NDST3: variants seen among roughly 807,000 people sequenced by gnomAD.
NDST3 encodes the protein bifunctional heparan sulfate N-deacetylase/N-sulfotransferase 3.
In NDST3, 58 loss-of-function variants were observed where a neutral mutation model predicts 96.1. That is an observed-to-expected ratio of 0.60 (90% CI 0.49 to 0.75). The LOEUF is 0.75. NDST3 is among the 30% of genes least tolerant of loss of function. The pLI, the probability that NDST3 is intolerant of heterozygous loss-of-function variation, is 0.00. For synonymous variants in NDST3, 333 were observed against 359.7 expected (o/e 0.93, Z 0.84); for missense variants, 788 against 1,034.2 (o/e 0.76, Z 3.27).
intron 4 of NDST3, among the ~76,000 whole-genome samples, chr4:118,137,800 A>G (rs934360357): frequency 6.6e-6 from 1 of 152,162 alleles, no homozygotes; most frequent in Non-Finnish European, 1.5e-5. Flanking sequence ...GGCTCTTTCA[A>G]ATTATTCATT....
chr4:118,139,648 A>T (rs944975679), intron 5 of NDST3, among the ~76,000 whole-genome samples: 1 of 152,182 alleles, frequency 6.6e-6, no homozygotes, highest in African/African-American at 2.4e-5. Context: ...TTGCTGTATG[A>T]GAGCAACTTT....
intron 2 of NDST3, among the ~76,000 whole-genome samples, chr4:118,088,233 G>A (rs553950817): frequency 4.6e-5 from 7 of 152,026 alleles, no homozygotes; most frequent in South Asian, 4.2e-4. Context: ...AAAGGATACC[G>A]TCTTAAAATA....
intron 6 of NDST3, chr4:118,193,696 G>T: frequency 7.6e-7 from 1 of 1,309,564 alleles, no homozygotes; most frequent in Non-Finnish European, 1.1e-6. Context: ...CAGCCAGGTG[G>T]GCCTCTCCCC....
chr4:118,133,013 G>A (rs552127178), intron 4 of NDST3, among the ~76,000 whole-genome samples: 1 of 152,154 alleles, frequency 6.6e-6, no homozygotes, highest in African/African-American at 2.4e-5. Flanking sequence ...GCTGTGAGTT[G>A]CACTTCCTGG....
chr4:118,109,185 G>GT (rs1425265317), intron 3 of NDST3, among the ~76,000 whole-genome samples: 3 of 152,300 alleles, frequency 2.0e-5, no homozygotes, highest in Admixed American at 6.5e-5. Flanking sequence ...AAACTTCTGA[G>GT]TTAGGATATC....
chr4:118,216,334 T>C (rs1383246106), intron 6 of NDST3, among the ~76,000 whole-genome samples: 8 of 152,042 alleles, frequency 5.3e-5, no homozygotes, highest in Admixed American at 2.0e-4. Context: ...TAGAAAGAAA[T>C]TGTAAATAAG....
chr4:118,071,965 A>G (rs919830860), intron 2 of NDST3, among the ~76,000 whole-genome samples: 8 of 151,906 alleles, frequency 5.3e-5, no homozygotes, highest in East Asian at 3.9e-4. Context: ...ACGGTATCTC[A>G]TTGTGGTTTT....
At chr4:118,110,306 T>C (rs1183906587) in intron 3 of NDST3, among the ~76,000 whole-genome samples, 8 of 152,212 alleles carry the variant, frequency 5.3e-5, no homozygotes, top group Admixed American at 5.2e-4. Context: ...ACTCAACGTT[T>C]GGCCAGTGAA....
intron 3 of NDST3, among the ~76,000 whole-genome samples, chr4:118,106,716 A>C (rs1168591567): frequency 6.6e-6 from 1 of 152,040 alleles, no homozygotes; most frequent in African/African-American, 2.4e-5. Context: ...ACTTGAGCTC[A>C]GGAGGTCTAG....
At chr4:118,183,062 G>C (rs533149117) in intron 6 of NDST3, among the ~76,000 whole-genome samples, 1 of 152,076 alleles carries the variant, frequency 6.6e-6, no homozygotes, top group Non-Finnish European at 1.5e-5. Context: ...CCAGCAACTC[G>C]TACATACGGA....
chr4:118,086,630 G>T (rs62326090), intron 2 of NDST3, among the ~76,000 whole-genome samples: 1 of 152,196 alleles, frequency 6.6e-6, no homozygotes, highest in South Asian at 2.1e-4. Context: ...CTTGCTTGTT[G>T]GAAAATCACA....
chr4:118,120,597 G>A (rs931824424), intron 4 of NDST3, among the ~76,000 whole-genome samples: 1 of 152,158 alleles, frequency 6.6e-6, no homozygotes. Flanking sequence ...AGTGCTCTCA[G>A]GGTGGTGTTT....
chr4:118,056,168 G>A (rs1725415820), intron 2 of NDST3, among the ~76,000 whole-genome samples: 1 of 151,808 alleles, frequency 6.6e-6, no homozygotes, highest in South Asian at 2.1e-4. Flanking sequence ...CATTTCAAAT[G>A]ATTTTGGTGA....
chr4:118,208,768 A>G (rs1738603101), intron 6 of NDST3, among the ~76,000 whole-genome samples: 1 of 144,654 alleles, frequency 6.9e-6, no homozygotes, highest in South Asian at 2.3e-4. Context: ...ACACTTCACA[A>G]ACCCCTTCAT....
At position 118,114,823 on chromosome 4, in the gene NDST3, G is replaced by A. The variant is rs1451716174; in HGVS notation, c.1087G>A (p.Glu363Lys). ...FYHTGTEEED[E>K]GDDCLLGSVD... is the part of the protein sequence containing the mutation. ...CCCTAAAGGAACTGAAGAGGAAGAT[G>A]AAGGAGATGACTGTCTGTTGGGGTC... Residue 363 changes from glutamate (E) to lysine (K), a missense_variant, in exon 4 of 14, where the codon GAA becomes AAA. Physicochemically the swap from Glu to Lys is moderately conservative, Grantham distance 56 (BLOSUM62 1). Transcript: ENST00000296499. 1.2e-6 allele frequency: 2 copies of A among 1,613,920 alleles called. No individual in the cohort carries two copies. The highest frequency in any genetic ancestry group is 1.7e-6 in the Non-Finnish European group (2 of 1,179,920).
chr4:118,180,651 C>A (rs568875952), intron 6 of NDST3, among the ~76,000 whole-genome samples: 1 of 152,202 alleles, frequency 6.6e-6, no homozygotes. Context: ...TAGATAAAAG[C>A]CTAAGAAGAA....
In NDST3 at chr4:118,063,462, C is replaced by T. The variant is rs906143727; in HGVS notation, c.981+8571C>T. ...CATTTTTGATAAAGGAAATCAAAAACCTTGGAGAAAATTGTACGATTTGCC... is the reference window on the plus strand; with the variant it reads ...CATTTTTGATAAAGGAAATCAAAAATCTTGGAGAAAATTGTACGATTTGCC... On this transcript the variant is annotated intron_variant, in intron 2 of 13. Coordinates refer to ENST00000296499, the MANE Select transcript of NDST3 (RefSeq NM_004784.3). Among the ~76,000 whole-genome samples, 5 of 152,004 alleles carry T rather than the reference C, an allele frequency of 3.3e-5. No homozygotes were observed. In the East Asian group the frequency reaches 7.7e-4, roughly 23 times the overall value.
intron 6 of NDST3, among the ~76,000 whole-genome samples, chr4:118,210,061 C>T (rs1368357545): frequency 6.6e-6 from 1 of 152,114 alleles, no homozygotes; most frequent in Non-Finnish European, 1.5e-5. Flanking sequence ...ATTTCTAACA[C>T]CTACCCACAC....
chr4:118,112,067 A>G (rs1010527547), intron 3 of NDST3, among the ~76,000 whole-genome samples: 5 of 151,900 alleles, frequency 3.3e-5, no homozygotes, highest in East Asian at 1.9e-4. Flanking sequence ...GAAATCAGAT[A>G]AGACAAATCT....
Sources: allele counts gnomAD v4.1 joint callset (sites outside exome capture counted in the v4.1 genomes callset), GRCh38; gene constraint gnomAD v4.1.1; transcripts MANE v1.5; gene names NCBI Gene and HGNC (gene_info 2026-07-23, HGNC 2026-07-21).